VAX2: variants seen among roughly 807,000 people sequenced by gnomAD.
The protein encoded by VAX2 is ventral anterior homeobox 2.
VAX2 carries 8 observed loss-of-function variants against 12.5 expected under a neutral mutation model. That is an observed-to-expected ratio of 0.64 (90% confidence interval 0.37 to 1.15). The LOEUF (loss-of-function observed/expected upper bound fraction) is 1.15. VAX2 is among the 50% of genes most tolerant of loss of function. The probability of loss-of-function intolerance (pLI) is 0.01; values close to 1 mark genes in which losing one functional copy is unlikely to be tolerated. For missense variants in VAX2, 476 were observed against 412.9 expected, an observed-to-expected ratio of 1.15 and a Z score of -1.32; for synonymous variants, 183 against 187.6, an observed-to-expected ratio of 0.98 and a Z score of 0.20.
chr2:70,920,626 T>C (rs1331041062), intron 1 of VAX2, among the ~76,000 whole-genome samples: 5 of 102,404 alleles, frequency 4.9e-5, no homozygotes, highest in African/African-American at 2.3e-4. Flanking sequence ...CACTCCTTCA[T>C]GCATGCATGC....
At chr2:70,928,249 C>A (rs1199566902) in intron 2 of VAX2, among the ~76,000 whole-genome samples, 4 of 152,342 alleles carry the variant, frequency 2.6e-5, no homozygotes, top group Admixed American at 6.5e-5. Flanking sequence ...AGAGTTGACC[C>A]TTCTTACTCT....
At chr2:70,912,955 A>G (rs1553411398) in intron 1 of VAX2, among the ~76,000 whole-genome samples, 1 of 152,132 alleles carries the variant, frequency 6.6e-6, no homozygotes, top group African/African-American at 2.4e-5. Context: ...TCACCCTAAT[A>G]AGTGCCTACC....
intron 2 of VAX2, among the ~76,000 whole-genome samples, chr2:70,931,903 G>A (rs1679702878): frequency 6.6e-6 from 1 of 152,246 alleles, no homozygotes; most frequent in South Asian, 2.1e-4. Flanking sequence ...CCCTCTAGAT[G>A]TTACAGTTTA....
intron 1 of VAX2, among the ~76,000 whole-genome samples, chr2:70,919,974 C>A (rs1679415896): frequency 6.6e-6 from 1 of 152,232 alleles, no homozygotes; most frequent in Admixed American, 6.5e-5. Flanking sequence ...AGCCACTGCC[C>A]ATTCTGGCCG....
At chr2:70,930,942 C>T (rs1679681565) in intron 2 of VAX2, among the ~76,000 whole-genome samples, 1 of 152,226 alleles carries the variant, frequency 6.6e-6, no homozygotes. Flanking sequence ...CCCAGGGAAA[C>T]AAGTCTGGGT....
chr2:70,914,165 A>G (rs1679256953), intron 1 of VAX2, among the ~76,000 whole-genome samples: 2 of 152,226 alleles, frequency 1.3e-5, no homozygotes, highest in South Asian at 4.1e-4. Context: ...AAATAAAATC[A>G]GGCCAGGTGC....
chr2:70,912,960 C>T (rs1248541326), intron 1 of VAX2, among the ~76,000 whole-genome samples: 1 of 149,298 alleles, frequency 6.7e-6, no homozygotes, highest in Non-Finnish European at 1.5e-5. Flanking sequence ...CTAATAAGTG[C>T]CTACCTGCAA....
intron 2 of VAX2, among the ~76,000 whole-genome samples, chr2:70,923,674 G>T (rs949382405): frequency 7.2e-5 from 11 of 152,204 alleles, no homozygotes; most frequent in African/African-American, 2.7e-4. Context: ...TACACTTGCT[G>T]GTTTATTATA....
chr2:70,925,576 G>A (rs782387566), intron 2 of VAX2, among the ~76,000 whole-genome samples: 4 of 152,160 alleles, frequency 2.6e-5, no homozygotes, highest in South Asian at 2.1e-4. Context: ...TCAGATTTTG[G>A]GGGGAGGGCT....
intron 1 of VAX2, among the ~76,000 whole-genome samples, chr2:70,901,409 G>A (rs895225660): frequency 6.6e-6 from 1 of 152,230 alleles, no homozygotes; most frequent in East Asian, 1.9e-4. Flanking sequence ...GGAGGGTGGC[G>A]TGCGCGGCGC....
At chr2:70,929,849 G>A (rs1553414074) in intron 2 of VAX2, among the ~76,000 whole-genome samples, 1 of 152,222 alleles carries the variant, frequency 6.6e-6, no homozygotes, top group Non-Finnish European at 1.5e-5. Context: ...TTGACAGACA[G>A]GCTTGTTTGT....
intron 1 of VAX2, among the ~76,000 whole-genome samples, chr2:70,915,456 C>T (rs1319205949): frequency 6.6e-6 from 1 of 152,104 alleles, no homozygotes; most frequent in Non-Finnish European, 1.5e-5. Flanking sequence ...TCTCGAACTC[C>T]TGACCTCAGG....
rs1222772163 is a variant in VAX2 at position 70,904,681 on chromosome 2, G to A, written c.247+3813G>A. Among the ~76,000 whole-genome samples the A allele has an allele frequency of 7.9e-5, 12 of 152,192 alleles. No individual in the cohort carries two copies. Among genetic ancestry groups the A allele is most frequent in the Non-Finnish European group, 2.9e-5 (2 of 68,050 alleles). On this transcript the variant is annotated intron_variant, in intron 1 of 2. Transcript: ENST00000234392. The surrounding 1 kb of genome is among the most constrained non-coding windows in gnomAD (Gnocchi z 4.2). Reference sequence around the variant, plus strand: ...GCAGGATCCCTTGAAGAAGTGACTCGCTGCAACCCCACCACCAGCAGCAAA... The same window carrying A: ...GCAGGATCCCTTGAAGAAGTGACTCACTGCAACCCCACCACCAGCAGCAAA...
intron 2 of VAX2, among the ~76,000 whole-genome samples, chr2:70,932,058 AG>A (rs1679705104): frequency 6.6e-6 from 1 of 152,164 alleles, no homozygotes; most frequent in Admixed American, 6.5e-5. Context: ...AGGGGCTTAA[AG>A]CTCCCCAGGT....
chr2:70,927,481 C>T (rs115598272), intron 2 of VAX2, among the ~76,000 whole-genome samples: 2,186 of 150,922 alleles, frequency 0.014, 25 homozygotes, highest in Non-Finnish European at 0.025. Context: ...ATAGATGGTA[C>T]CTTCCTAGTG....
chr2:70,908,252 T>C (rs1389646127), intron 1 of VAX2, among the ~76,000 whole-genome samples: 1 of 152,208 alleles, frequency 6.6e-6, no homozygotes, highest in Non-Finnish European at 1.5e-5. Flanking sequence ...TATTTTGGGT[T>C]TAAGCTGGAC....
chr2:70,915,062 A>G (rs1001172081), intron 1 of VAX2, among the ~76,000 whole-genome samples: 1 of 152,016 alleles, frequency 6.6e-6, no homozygotes, highest in Admixed American at 6.5e-5. Context: ...CGGCCTCCCA[A>G]AGTGCTGGGA....
In VAX2 at chr2:70,933,232, G is replaced by T; in HGVS notation, c.*28G>T. The T allele has an allele frequency of 2.7e-6, 4 of 1,487,736 alleles. No individual in the cohort carries two copies. In the South Asian group the frequency reaches 5.7e-5, roughly 21 times the overall value. 92.2% of individuals were successfully genotyped at this position (1,487,736 alleles called of 1,614,324 possible). A position where few individuals can be genotyped will look rare whatever the true frequency, so the allele number is the denominator to read the frequency against. The stretch of plus-strand genomic sequence containing the variant: ...CTCCCACCCTGTGACACTGAGTCCC[G>T]AGCACAGCACCTTCCCAGTCTCCTG... On this transcript the variant is annotated 3_prime_UTR_variant, in exon 3 of 3. Coordinates refer to ENST00000234392, the MANE Select transcript of VAX2 (RefSeq NM_012476.3).
At chr2:70,912,490 C>A (rs377759916) in intron 1 of VAX2, among the ~76,000 whole-genome samples, 2 of 152,060 alleles carry the variant, frequency 1.3e-5, no homozygotes, top group African/African-American at 4.8e-5. Context: ...GGCGAAACCC[C>A]GTCCCTACTA....
Sources: gnomAD v4.1 joint callset for allele counts (sites outside exome capture counted in the v4.1 genomes callset) on GRCh38, gnomAD v4.1.1 for gene constraint, Gnocchi (gnomAD v3.1) non-coding constraint, MANE v1.5 for transcripts, NCBI Gene and HGNC (gene_info 2026-07-23, HGNC 2026-07-21) for gene names.